YLPM1: variants seen among roughly 807,000 people sequenced by gnomAD.
YLPM1 encodes the protein YLP motif containing 1.
Under a neutral mutation model 230.0 loss-of-function variants are expected in YLPM1, and 99 were observed. The ratio of observed to expected loss-of-function variants is 0.43; its 90% CI spans 0.37 to 0.51. YLPM1 has a LOEUF of 0.51. YLPM1 is among the 20% of genes least tolerant of loss of function. YLPM1 has a pLI of 0.00. For synonymous variants in YLPM1, 984 were observed against 942.5 expected (o/e 1.04, Z -0.81); for missense variants, 2,592 against 2,707.7 (o/e 0.96, Z 0.95).
At chr14:74,801,288 A>G (rs780869387) in intron 5 of YLPM1, among the ~76,000 whole-genome samples, 13 of 152,180 alleles carry the variant, frequency 8.5e-5, no homozygotes, top group Admixed American at 2.6e-4. Flanking sequence ...GGAGTATCAT[A>G]AGGGATGTGA....
chr14:74,781,132 CTG>C (rs1172769566), intron 3 of YLPM1, among the ~76,000 whole-genome samples, 200 bp from the exon 4 acceptor site: 5 of 152,106 alleles, frequency 3.3e-5, no homozygotes, highest in African/African-American at 1.2e-4. Context: ...TTTTCCAACT[CTG>C]TAGTAAGTTG....
At chr14:74,769,075 T>A (rs1022490986) in intron 1 of YLPM1, among the ~76,000 whole-genome samples, 2 of 151,088 alleles carry the variant, frequency 1.3e-5, no homozygotes, top group East Asian at 3.9e-4. Flanking sequence ...TATTTTATTT[T>A]ATTTATTTTT....
At position 74,781,376 on chromosome 14, in the gene YLPM1, C is replaced by T; in HGVS notation, c.1333C>T (p.Gln445Ter). ...DMQLRHYEMQ[Q>*]QQFQHLYQEW... The stretch of plus-strand genomic sequence containing the variant: ...GCAGCTGCGGCATTATGAGATGCAG[C>T]AGCAACAGTTTCAACATCTTTACCA... The change falls in exon 4 of 21, where the codon CAG becomes TAG. Residue 445 changes from glutamine (Q) to a stop codon, truncating the protein, a stop_gained. Transcript: ENST00000325680. LOFTEE classifies it high-confidence loss of function. The T allele has an allele frequency of 6.3e-7, 1 of 1,584,236 alleles. No individual in the cohort carries two copies. Among genetic ancestry groups the T allele is most frequent in the Non-Finnish European group, 8.6e-7 (1 of 1,164,118 alleles).
chr14:74,808,255 A>G (rs527750797), intron 6 of YLPM1, among the ~76,000 whole-genome samples: 2 of 152,212 alleles, frequency 1.3e-5, no homozygotes, highest in South Asian at 4.1e-4. Context: ...TTTTGTGTCT[A>G]TCTTCTTTTC....
At position 74,764,244 on chromosome 14, in the gene YLPM1, C is replaced by T. The variant is rs774676715; in HGVS notation, c.755C>T (p.Ala252Val). The T allele has an allele frequency of 3.3e-5, 53 of 1,613,628 alleles. No individual in the cohort carries two copies. The highest frequency in any genetic ancestry group is 4.2e-5 in the Non-Finnish European group (50 of 1,179,844). The change falls in exon 1 of 21, where the codon GCC becomes GTC. Residue 252 changes from alanine (A) to valine (V), a missense_variant. Physicochemically the swap from Ala to Val is moderately conservative, Grantham distance 64. Coordinates refer to ENST00000325680, the MANE Select transcript of YLPM1 (RefSeq NM_019589.3). ...CTACTAGCTCCACCACCACCGTCCG[C>T]CCCCCCTGGAAATAAGACAACTGTC... ...SQLLAPPPPS[A>V]PPGNKTTVQQ...
intron 5 of YLPM1, among the ~76,000 whole-genome samples, chr14:74,800,659 C>T (rs145574643): frequency 1.8e-3 from 278 of 152,104 alleles, no homozygotes; most frequent in African/African-American, 6.3e-3. Context: ...AAGAAAAATA[C>T]GGTGAAGAAA....
At chr14:74,834,163 AC>A (rs2091626970) in intron 19 of YLPM1, among the ~76,000 whole-genome samples, 1 of 151,010 alleles carries the variant, frequency 6.6e-6, no homozygotes, top group South Asian at 2.1e-4. Flanking sequence ...AGCCTGGGCA[AC>A]ATAGTGAGAC....
Position 74,765,528 on chromosome 14 carries a change from C to G in YLPM1, c.873+1166C>G, listed in dbSNP as rs895742615. Reference sequence around the variant, plus strand: ...CTGTTGGCTTACATCAAATTTGTACCATCTCACCAGTTTATTTTCCCCAGA... The same window carrying G: ...CTGTTGGCTTACATCAAATTTGTACGATCTCACCAGTTTATTTTCCCCAGA... On this transcript the variant is annotated intron_variant, in intron 1 of 20. Transcript: ENST00000325680. 1.3e-5 allele frequency among the ~76,000 whole-genome samples: 2 copies of G among 152,192 alleles called. 1 individual carries two copies. The highest frequency in any genetic ancestry group is 4.2e-4 in the South Asian group (2 of 4,810).
At chr14:74,769,869 C>T (rs1001988097) in intron 1 of YLPM1, among the ~76,000 whole-genome samples, 6 of 135,168 alleles carry the variant, frequency 4.4e-5, no homozygotes, top group East Asian at 2.5e-4. Context: ...CCCCGCCCCC[C>T]GCCCACAAAA....
In YLPM1 at chr14:74,763,927, C is replaced by T. The variant is rs753694448; in HGVS notation, c.438C>T (p.Pro146=). Residue 146 remains proline (P), a synonymous_variant, in exon 1 of 21, where the codon CCC becomes CCT. Transcript: ENST00000325680. ...PGLVPMELES[P]PESPPVPPGS... ...TGGTTCCAATGGAGCTGGAATCCCC[C>T]CCTGAATCTCCCCCTGTGCCGCCTG... 9.5e-6 allele frequency: 11 copies of T among 1,153,568 alleles called. No individual in the cohort carries two copies. Among genetic ancestry groups the T allele is most frequent in the African/African-American group, 3.6e-5 (2 of 55,214 alleles). The allele number at this position is 1,153,568 out of a possible 1,614,324, so 71.5% of individuals were successfully genotyped here. A position where few individuals can be genotyped will look rare whatever the true frequency, so the allele number is the denominator to read the frequency against.
Position 74,798,555 on chromosome 14 carries a change from T to C in YLPM1, c.3258T>C (p.Pro1086=), listed in dbSNP as rs1275886654. The C allele has an allele frequency of 6.2e-7, 1 of 1,613,772 alleles. No individual in the cohort carries two copies. The highest frequency in any genetic ancestry group is 1.1e-5 in the South Asian group (1 of 91,054). The change falls in exon 5 of 21, where the codon CCT becomes CCC. Residue 1086 remains proline (P), a synonymous_variant. Transcript: ENST00000325680. ...EGSRDRGLVR[P]GSSREKVPGG... ...GCCGGGACAGAGGGTTGGTGAGGCC[T>C]GGAAGCAGTCGGGAGAAAGTGCCAG...
intron 18 of YLPM1, chr14:74,828,011 A>G (rs2091579342): frequency 1.0e-6 from 1 of 985,308 alleles, no homozygotes; most frequent in Non-Finnish European, 1.2e-6. Context: ...TTTTTCAATG[A>G]TAATCACTTT....
In YLPM1 at chr14:74,799,134, T is replaced by TAGGGAAATGGAA. The variant is rs756930338; in HGVS notation, c.3843_3854dup (p.Glu1281_Arg1284dup). ...ACCAGGATATGGATGAGGACTACAA[T>TAGGGAAATGGAA]AGGGAAATGGAAAGGGACATGGACA... is the stretch of plus-strand genomic sequence containing the variant. On this transcript the variant is annotated inframe_insertion, in exon 5 of 21. Transcript: ENST00000325680. The TAGGGAAATGGAA allele has an allele frequency of 1.2e-6, 2 of 1,613,654 alleles. No homozygotes were observed. The highest frequency in any genetic ancestry group is 1.7e-6 in the Non-Finnish European group (2 of 1,179,784).
chr14:74,803,284 T>C (rs1262923964), intron 6 of YLPM1, among the ~76,000 whole-genome samples: 1 of 152,114 alleles, frequency 6.6e-6, no homozygotes, highest in Non-Finnish European at 1.5e-5. Flanking sequence ...TAAGTTCTCC[T>C]TTTTTTCCCA....
chr14:74,808,522 G>A (rs1387576619), intron 6 of YLPM1, among the ~76,000 whole-genome samples: 1 of 152,066 alleles, frequency 6.6e-6, no homozygotes, highest in East Asian at 1.9e-4. Context: ...TTTATGTTTG[G>A]CCGGGTGCGG....
At position 74,799,235 on chromosome 14, in the gene YLPM1, G is replaced by A. The variant is rs1185701465; in HGVS notation, c.3938G>A (p.Gly1313Glu). 1 of 1,613,848 alleles carries A rather than the reference G, an allele frequency of 6.2e-7. No individual in the cohort carries two copies. The highest frequency in any genetic ancestry group is 1.3e-5 in the African/African-American group (1 of 74,910). ...SLDNEWDRDYGRPLDEQESQF... is the reference protein window; with the variant it reads ...SLDNEWDRDYERPLDEQESQF... ...GATAATGAGTGGGACAGAGATTATG[G>A]GAGACCACTGGATGAACAAGAATCA... The change falls in exon 5 of 21, where the codon GGG (glycine) becomes GAG (glutamate). Residue 1313 changes from glycine to glutamate, a missense_variant. This residue lies in a region of YLPM1 where 1,862 missense variants were observed against 1,819.8 expected (regional missense o/e 1.02). Coordinates refer to ENST00000325680, the MANE Select transcript of YLPM1 (RefSeq NM_019589.3).
chr14:74,800,720 G>A (rs1393123396), intron 5 of YLPM1, among the ~76,000 whole-genome samples: 1 of 152,190 alleles, frequency 6.6e-6, no homozygotes, highest in East Asian at 1.9e-4. Context: ...CTATAGCTAA[G>A]AGGTTTATTT....
chr14:74,772,313 ATCTT>A (rs1404570125), intron 1 of YLPM1, among the ~76,000 whole-genome samples: 2 of 149,256 alleles, frequency 1.3e-5, no homozygotes, highest in Non-Finnish European at 3.0e-5. Context: ...CCTCGGCAGC[ATCTT>A]TCTTAATAAC....
In YLPM1 at chr14:74,797,711, C is replaced by T. The variant is rs778334270; in HGVS notation, c.2414C>T (p.Thr805Ile). The T allele has an allele frequency of 1.9e-5, 30 of 1,613,500 alleles. No individual in the cohort carries two copies. Among genetic ancestry groups the T allele is most frequent in the Non-Finnish European group, 2.5e-5 (29 of 1,179,642 alleles). ...TATGAAGGTCACCCAGCAGAGGGCA[C>T]TAAAAGCAAGTGGGGAATGATTCCC... ...PRYEGHPAEGTKSKWGMIPRG... is the reference protein window; with the variant it reads ...PRYEGHPAEGIKSKWGMIPRG... Residue 805 changes from threonine to isoleucine, a missense_variant, in exon 5 of 21, where the codon ACT (threonine) becomes ATT (isoleucine). Around this residue, in one of 4 missense-constraint regions of YLPM1, gnomAD observed 1,862 missense variants for 1,819.8 expected, o/e 1.02. Transcript: ENST00000325680.
Sources: gnomAD v4.1 joint callset for allele counts (sites outside exome capture counted in the v4.1 genomes callset) on GRCh38, gnomAD v4.1.1 for gene constraint, gnomAD v4.1.1 regional missense constraint, MANE v1.5 for transcripts, NCBI Gene and HGNC (gene_info 2026-07-23, HGNC 2026-07-21) for gene names.